LIMS1: variants seen among roughly 807,000 people sequenced by gnomAD.
The protein encoded by LIMS1 is LIM and senescent cell antigen-like-containing domain protein 1.
LIMS1 carries 18 observed loss-of-function variants against 44.1 expected under a neutral mutation model. The ratio of observed to expected loss-of-function variants is 0.41; its 90% CI spans 0.28 to 0.61. The LOEUF is 0.61. Ranked by LOEUF, LIMS1 falls within the 20% of genes least tolerant of loss-of-function variation. The pLI is 0.32. For missense variants in LIMS1, 201 were observed against 422.0 expected, an observed-to-expected ratio of 0.48 and a Z score of 4.59; for synonymous variants, 93 against 149.1, an observed-to-expected ratio of 0.62 and a Z score of 2.74.
chr2:108,557,777 A>G (rs1027430532), intron 1 of LIMS1, among the ~76,000 whole-genome samples: 5 of 152,282 alleles, frequency 3.3e-5, no homozygotes, highest in African/African-American at 1.2e-4. Context: ...CAGCCTCCCA[A>G]AGCGCTAGAA....
chr2:108,680,696 G>A, exon 9 of LIMS1: 1 of 1,609,360 alleles, frequency 6.2e-7, no homozygotes, highest in South Asian at 1.1e-5. Context: ...TTTCTCCAGT[G>A]GTCTCTGCTC....
At chr2:108,574,033 C>T (rs1336058271) in intron 1 of LIMS1, among the ~76,000 whole-genome samples, 1 of 149,734 alleles carries the variant, frequency 6.7e-6, no homozygotes, top group African/African-American at 2.4e-5. Context: ...ATGCCTGAAT[C>T]CCCCCTCCCC....
intron 1 of LIMS1, among the ~76,000 whole-genome samples, chr2:108,589,575 C>G (rs1424462884): frequency 6.6e-6 from 1 of 151,934 alleles, no homozygotes; most frequent in African/African-American, 2.4e-5. Context: ...TGTTATTTTT[C>G]TAGTTCCATG....
In LIMS1 at chr2:108,658,876, G is replaced by C. The variant is rs540425616; in HGVS notation, c.33-729G>C. Among the ~76,000 whole-genome samples the C allele has an allele frequency of 3.3e-5, 5 of 152,410 alleles. No individual in the cohort carries two copies. In the East Asian group the frequency reaches 7.7e-4, roughly 24 times the overall value. On this transcript the variant is annotated intron_variant, in intron 1 of 9. Coordinates refer to ENST00000544547, the Ensembl canonical transcript of LIMS1. ...TTTGATTGACAGTGTGATTTTATGA[G>C]CAGGGGACCTGGATTTCTAGTCCTG...
chr2:108,621,479 G>A (rs1688236459), intron 1 of LIMS1: 1 of 1,532,978 alleles, frequency 6.5e-7, no homozygotes, highest in African/African-American at 1.4e-5. Flanking sequence ...CAAAGTCATG[G>A]TTGGCTAAAG....
In LIMS1 at chr2:108,609,883, C is replaced by G. The variant is rs1174825057; in HGVS notation, c.33-49722C>G. ...ATTGGCCGGGCGCGGTGGCTCATGC[C>G]TGTAATCCCAGCACTTTGGGAGGCC... On this transcript the variant is annotated intron_variant, in intron 1 of 9. Coordinates refer to ENST00000544547, the Ensembl canonical transcript of LIMS1. Among the ~76,000 whole-genome samples the G allele has an allele frequency of 2.6e-5, 4 of 152,140 alleles. No individual in the cohort carries two copies. The East Asian group carries it at 7.7e-4, about 29-fold the overall frequency.
intron 2 of LIMS1, among the ~76,000 whole-genome samples, chr2:108,663,709 A>G (rs547629168): frequency 4.8e-4 from 73 of 152,116 alleles, no homozygotes; most frequent in Non-Finnish European, 8.2e-4. Flanking sequence ...TTTTCCCATC[A>G]CAAAATGCAT....
chr2:108,658,732 C>G, intron 1 of LIMS1, among the ~76,000 whole-genome samples: 1 of 152,294 alleles, frequency 6.6e-6, no homozygotes. Flanking sequence ...GGGAATTTCC[C>G]ACGTCACCAG....
intron 1 of LIMS1, among the ~76,000 whole-genome samples, chr2:108,612,421 C>G (rs561331453): frequency 6.6e-6 from 1 of 151,882 alleles, no homozygotes; most frequent in Non-Finnish European, 1.5e-5. Context: ...TCAACAGTAC[C>G]CTTGGTTTCA....
At chr2:108,543,237 C>G (rs1158063316) in intron 1 of LIMS1, among the ~76,000 whole-genome samples, 1 of 152,020 alleles carries the variant, frequency 6.6e-6, no homozygotes, top group Non-Finnish European at 1.5e-5. Context: ...TCAAGATGAG[C>G]CTGGGCAACA....
At chr2:108,609,711 C>T (rs1272896309) in intron 1 of LIMS1, among the ~76,000 whole-genome samples, 2 of 152,192 alleles carry the variant, frequency 1.3e-5, no homozygotes, top group Non-Finnish European at 2.9e-5. Context: ...CCAGAAAACC[C>T]AGGAGTCCTG....
intron 1 of LIMS1, chr2:108,621,267 C>T: frequency 1.3e-6 from 2 of 1,527,064 alleles, no homozygotes; most frequent in Non-Finnish European, 1.8e-6. Flanking sequence ...GCTGAGGTCC[C>T]TCGGCAAGGG....
At chr2:108,552,521 A>T (rs189362554) in intron 1 of LIMS1, among the ~76,000 whole-genome samples, 1 of 146,542 alleles carries the variant, frequency 6.8e-6, no homozygotes, top group Non-Finnish European at 1.5e-5. Context: ...ATATATAAAT[A>T]TATCTTATAT....
chr2:108,623,419 A>G (rs1573476422), intron 1 of LIMS1, among the ~76,000 whole-genome samples: 2 of 152,222 alleles, frequency 1.3e-5, no homozygotes, highest in East Asian at 3.9e-4. Flanking sequence ...TTTTTAAAAA[A>G]ATAAGGATAA....
chr2:108,672,294 G>C (rs1348514220), intron 3 of LIMS1, 31 bp from the exon 4 acceptor site: 1 of 1,214,932 alleles, frequency 8.2e-7, no homozygotes, highest in South Asian at 1.4e-5. Context: ...ATGTTACTTA[G>C]TAACATCCTT....
chr2:108,649,363 T>C (rs1489096013), intron 1 of LIMS1, among the ~76,000 whole-genome samples: 2 of 152,204 alleles, frequency 1.3e-5, no homozygotes, highest in African/African-American at 2.4e-5. Flanking sequence ...AGGAACACTT[T>C]TACACTGTTG....
intron 1 of LIMS1, among the ~76,000 whole-genome samples, chr2:108,604,653 T>C (rs1052780319): frequency 6.6e-6 from 1 of 152,186 alleles, no homozygotes; most frequent in Non-Finnish European, 1.5e-5. Context: ...TTCTTGTAAC[T>C]AGCATTAGTT....
chr2:108,546,177 A>G (rs908337223), intron 1 of LIMS1, among the ~76,000 whole-genome samples: 3 of 146,684 alleles, frequency 2.0e-5, no homozygotes, highest in African/African-American at 7.4e-5. Flanking sequence ...TCACTTTTGG[A>G]TGCTTTAGGT....
At chr2:108,681,321 A>C in intron 9 of LIMS1, 1 of 984,958 alleles carries the variant, frequency 1.0e-6, no homozygotes, top group Non-Finnish European at 1.2e-6. Flanking sequence ...TACAAAAATT[A>C]AATGAATACA....
Sources: gnomAD v4.1 joint callset for allele counts (sites outside exome capture counted in the v4.1 genomes callset) on GRCh38, gnomAD v4.1.1 for gene constraint, MANE v1.5 for transcripts, NCBI Gene and HGNC (gene_info 2026-07-23, HGNC 2026-07-21) for gene names.